Variants in PDE1C observed in about 807,000 individuals in gnomAD.
PDE1C encodes dual specificity calcium/calmodulin-dependent 3',5'-cyclic nucleotide phosphodiesterase 1C.
In PDE1C, 62 loss-of-function variants were observed where a neutral mutation model predicts 93.1. The observed-to-expected ratio is 0.67, with a 90% CI of 0.54 to 0.82. PDE1C has a LOEUF of 0.82. Ranked by LOEUF, PDE1C falls within the 40% of genes least tolerant of loss-of-function variation. The pLI, the probability that PDE1C is intolerant of heterozygous loss-of-function variation, is 0.00. For synonymous variants in PDE1C, 325 were observed against 310.1 expected (o/e 1.05, Z -0.50); for missense variants, 742 against 884.6 (o/e 0.84, Z 2.04).
rs530136026 is a variant in PDE1C, at chr7:31,968,717, A to G, written c.128+82837T>C. 3.1e-3 allele frequency among the ~76,000 whole-genome samples: 469 copies of G among 152,302 alleles called. 3 individuals are homozygous for G. Among genetic ancestry groups the G allele is most frequent in the African/African-American group, 0.011 (442 of 41,568 alleles). ...CTACCTGACTTCAAACTATACTACAAGGCTACAGTAACCAAAACAGCATGG... is the reference window on the plus strand; with the variant it reads ...CTACCTGACTTCAAACTATACTACAGGGCTACAGTAACCAAAACAGCATGG... On this transcript the variant is annotated intron_variant, in intron 2 of 17. Transcript: ENST00000396191.
At chr7:32,090,276 A>C (rs1797396115) in intron 3 of PDE1C, among the ~76,000 whole-genome samples, 1 of 152,196 alleles carries the variant, frequency 6.6e-6, no homozygotes, top group South Asian at 2.1e-4. Context: ...TGAGTGCCTA[A>C]AGGGCTCTGC....
At chr7:32,319,065 C>T (rs113084054) in intron 1 of PDE1C, among the ~76,000 whole-genome samples, 1 of 152,222 alleles carries the variant, frequency 6.6e-6, no homozygotes, top group Admixed American at 6.5e-5. Context: ...GAGGATTTGA[C>T]CCATGTCCCT....
intron 2 of PDE1C, among the ~76,000 whole-genome samples, chr7:32,007,713 G>A (rs547621875): frequency 1.7e-4 from 26 of 152,166 alleles, no homozygotes; most frequent in African/African-American, 3.6e-4. Flanking sequence ...GTCATTCCAC[G>A]TATTTTACCT....
intron 1 of PDE1C, among the ~76,000 whole-genome samples, chr7:32,265,743 A>G (rs529661020): frequency 2.6e-5 from 4 of 152,350 alleles, no homozygotes; most frequent in African/African-American, 9.6e-5. Context: ...GTATCCAAAT[A>G]GCTTTACAGT....
intron 15 of PDE1C, among the ~76,000 whole-genome samples, chr7:31,809,725 A>T (rs564831254): frequency 5.9e-5 from 9 of 152,108 alleles, no homozygotes; most frequent in East Asian, 1.9e-4. Flanking sequence ...TTTTAGAAAC[A>T]CGTGAAAATA....
intron 3 of PDE1C, among the ~76,000 whole-genome samples, chr7:32,080,446 G>A (rs2128735835): frequency 6.6e-6 from 1 of 152,244 alleles, no homozygotes; most frequent in African/African-American, 2.4e-5. Flanking sequence ...CCTCAGACAT[G>A]GACACAAACT....
chr7:31,990,317 C>T (rs1466746583), intron 2 of PDE1C, among the ~76,000 whole-genome samples: 2 of 152,076 alleles, frequency 1.3e-5, no homozygotes, highest in Admixed American at 6.6e-5. Context: ...ATGGGAGTTC[C>T]CCCACATAAG....
At position 32,132,639 on chromosome 7, in the gene PDE1C, CT is replaced by C. The variant is rs569719659; in HGVS notation, c.308+37145del. Among the ~76,000 whole-genome samples, 68 of 152,264 alleles carry C rather than the reference CT, an allele frequency of 4.5e-4. No homozygotes were observed. The East Asian group carries it at 7.7e-3, about 17-fold the overall frequency. ...CATGATCAGACCACTGCATTCCAGC[CT>C]GAGTGACAGAGCAAGACTTTGTCTC... On this transcript the variant is annotated intron_variant, in intron 3 of 18. Coordinates refer to the PDE1C transcript ENST00000396193.
intron 3 of PDE1C, among the ~76,000 whole-genome samples, chr7:32,149,901 G>A (rs149063154): frequency 1.8e-4 from 28 of 152,126 alleles, no homozygotes; most frequent in Admixed American, 1.8e-3. Flanking sequence ...CACCCCCATT[G>A]TGGGTAATGA....
intron 2 of PDE1C, among the ~76,000 whole-genome samples, chr7:31,960,302 G>C (rs1187198712): frequency 6.6e-6 from 1 of 152,238 alleles, no homozygotes; most frequent in African/African-American, 2.4e-5. Context: ...CTGTGTGTTA[G>C]ACAGAGAAAG....
At chr7:31,655,719 A>C in the PDE1C span, 4 of 985,636 alleles carry the variant, frequency 4.1e-6, no homozygotes, top group Admixed American at 1.2e-4. Context: ...CTCCTGATGC[A>C]TTGCATTTGT....
the PDE1C span, among the ~76,000 whole-genome samples, chr7:31,632,758 G>A: frequency 2.6e-5 from 4 of 152,074 alleles, no homozygotes; most frequent in Non-Finnish European, 4.4e-5. Context: ...TGGGTGACAG[G>A]TTTTACAGCA....
intron 2 of PDE1C, among the ~76,000 whole-genome samples, chr7:32,205,602 A>AC (rs916055866): frequency 6.3e-4 from 43 of 68,578 alleles, no homozygotes; most frequent in African/African-American, 9.4e-4. Flanking sequence ...AAGCAGGCCA[A>AC]CCCCCCAGCC....
Position 31,837,252 on chromosome 7 carries a change from A to G in PDE1C, c.1131T>C (p.Ile377=). 6.2e-7 allele frequency: 1 copy of G among 1,613,794 alleles called. No homozygotes were observed. Among genetic ancestry groups the G allele is most frequent in the Non-Finnish European group, 8.5e-7 (1 of 1,179,782 alleles). The change falls in exon 11 of 18, where the codon ATT becomes ATC. Residue 377 remains isoleucine, a synonymous_variant. Coordinates refer to ENST00000396191, the MANE Select transcript of PDE1C (RefSeq NM_001191057.4). Reference sequence around the variant, plus strand: ...GGTCCCATGCTTTTGCTGGATGGCTAATATCTGCTGTATGCAGCATAAGGG... The same window carrying G: ...GGTCCCATGCTTTTGCTGGATGGCTGATATCTGCTGTATGCAGCATAAGGG... ...ALSLMLHTAD[I]SHPAKAWDLH...
At chr7:31,903,978 T>G (rs1800283048) in intron 2 of PDE1C, among the ~76,000 whole-genome samples, 4 of 152,188 alleles carry the variant, frequency 2.6e-5, no homozygotes, top group Admixed American at 2.6e-4. Context: ...AAACTTATTC[T>G]GACCTTCAAC....
At chr7:32,325,474 C>T (rs1783387837) in intron 1 of PDE1C, among the ~76,000 whole-genome samples, 1 of 152,234 alleles carries the variant, frequency 6.6e-6, no homozygotes, top group South Asian at 2.1e-4. Flanking sequence ...ACCACCATCC[C>T]CTTCCCCAGC....
chr7:32,263,263 G>A (rs918935889), intron 1 of PDE1C, among the ~76,000 whole-genome samples: 5 of 152,054 alleles, frequency 3.3e-5, no homozygotes, highest in East Asian at 1.9e-4. Context: ...TACACTTTAC[G>A]CAGATTCACC....
intron 2 of PDE1C, among the ~76,000 whole-genome samples, chr7:31,891,304 C>T (rs192235104): frequency 2.1e-3 from 316 of 152,200 alleles, no homozygotes; most frequent in African/African-American, 7.1e-3. Flanking sequence ...GTGGTAGGCT[C>T]AAGAGGAAGA....
At chr7:32,386,869 A>T (rs1230997075) in intron 1 of PDE1C, among the ~76,000 whole-genome samples, 3 of 151,538 alleles carry the variant, frequency 2.0e-5, no homozygotes, top group Non-Finnish European at 4.4e-5. Flanking sequence ...AAGAGGACTC[A>T]TTTTTTTATT....
Sources: allele counts gnomAD v4.1 joint callset (sites outside exome capture counted in the v4.1 genomes callset), GRCh38; gene constraint gnomAD v4.1.1; transcripts MANE v1.5; gene names NCBI Gene and HGNC (gene_info 2026-07-23, HGNC 2026-07-21).